ADGRL3: variants seen among roughly 807,000 people sequenced by gnomAD.
ADGRL3 encodes calcium-independent alpha-latrotoxin receptor 3.
In ADGRL3, 62 loss-of-function variants were observed where a neutral mutation model predicts 153.5. The ratio of observed to expected loss-of-function variants is 0.40; its 90% CI spans 0.33 to 0.50. The LOEUF is 0.50. ADGRL3 is among the 20% of genes least tolerant of loss of function. The pLI is 0.47. For missense variants in ADGRL3, 1,641 were observed against 1,859.4 expected, an observed-to-expected ratio of 0.88 and a Z score of 2.16; for synonymous variants, 710 against 672.5, an observed-to-expected ratio of 1.06 and a Z score of -0.86.
At chr4:62,058,553 T>C (rs1289453638) in intron 25 of ADGRL3, among the ~76,000 whole-genome samples, 1 of 152,176 alleles carries the variant, frequency 6.6e-6, no homozygotes, top group East Asian at 1.9e-4. Context: ...TTCTTTTTCA[T>C]GATGCCTCCC....
At chr4:61,984,332 A>G (rs1339531009) in intron 19 of ADGRL3, among the ~76,000 whole-genome samples, 2 of 152,188 alleles carry the variant, frequency 1.3e-5, no homozygotes, top group Non-Finnish European at 2.9e-5. Flanking sequence ...GAAAAAGAAG[A>G]GGTAAGCAGA....
intron 4 of ADGRL3, among the ~76,000 whole-genome samples, chr4:61,580,797 T>C (rs955581524): frequency 2.0e-5 from 3 of 151,980 alleles, no homozygotes; most frequent in East Asian, 1.9e-4. Context: ...CAAGATATGA[T>C]AGTTGGCTTT....
At chr4:61,740,626 G>A (rs1404821594) in intron 8 of ADGRL3, among the ~76,000 whole-genome samples, 1 of 152,192 alleles carries the variant, frequency 6.6e-6, no homozygotes, top group East Asian at 1.9e-4. Flanking sequence ...TGCTACTGAA[G>A]GAGGATGGGA....
chr4:61,318,761 A>T, intron 1 of ADGRL3, among the ~76,000 whole-genome samples: 1 of 152,344 alleles, frequency 6.6e-6, no homozygotes, highest in African/African-American at 2.4e-5. Flanking sequence ...ACTTTTGCCC[A>T]GTTATAAACT....
At chr4:61,231,806 T>A (rs538345025) in intron 1 of ADGRL3, among the ~76,000 whole-genome samples, 17 of 152,028 alleles carry the variant, frequency 1.1e-4, no homozygotes, top group Admixed American at 3.3e-4. Context: ...AAATATAAAT[T>A]AATAAAAGGT....
intron 2 of ADGRL3, among the ~76,000 whole-genome samples, chr4:61,410,512 CAAT>C (rs1047528287): frequency 1.3e-5 from 2 of 152,038 alleles, no homozygotes; most frequent in Non-Finnish European, 2.9e-5. Flanking sequence ...AACAATATTA[CAAT>C]ACTATTGTGT....
chr4:61,210,704 T>C (rs1021477006), intron 1 of ADGRL3, among the ~76,000 whole-genome samples: 2 of 152,192 alleles, frequency 1.3e-5, no homozygotes, highest in Admixed American at 1.3e-4. Flanking sequence ...TTTTCAAATT[T>C]TCAGTGTTCT....
At position 61,733,059 on chromosome 4, in the gene ADGRL3, C is replaced by A. The variant is rs548241584; in HGVS notation, c.904C>A (p.Arg302=). 1 of 1,613,504 alleles carries A rather than the reference C, an allele frequency of 6.2e-7. No homozygotes were observed. The highest frequency in any genetic ancestry group is 1.1e-5 in the South Asian group (1 of 91,058). Residue 302 remains arginine, a synonymous_variant, in exon 8 of 27, where the codon CGG becomes AGG. Transcript: ENST00000683033. ...RTRNIVKFDL[R]TRIKSGEAII... is the part of the protein sequence containing the mutation. ...CAGGAACATAGTAAAGTTTGATTTG[C>A]GGACTAGGATAAAGAGTGGAGAGGC... is the stretch of plus-strand genomic sequence containing the variant.
rs73215816 is a variant in ADGRL3 at position 61,547,500 on chromosome 4, G to C, written c.259+29982G>C. Among the ~76,000 whole-genome samples, 1,161 of 152,156 alleles carry C rather than the reference G, an allele frequency of 7.6e-3. 13 individuals are homozygous for C. The highest frequency in any genetic ancestry group is 0.027 in the African/African-American group (1,120 of 41,526). On this transcript the variant is annotated intron_variant, in intron 4 of 26. Coordinates refer to ENST00000683033, the MANE Select transcript of ADGRL3 (RefSeq NM_001387552.1). ...TATGTTTAACTCCCACTTTAAGTGAGAGTATGTGGTATTTGGTTTTCTGTT... is the reference window on the plus strand; with the variant it reads ...TATGTTTAACTCCCACTTTAAGTGACAGTATGTGGTATTTGGTTTTCTGTT...
intron 2 of ADGRL3, among the ~76,000 whole-genome samples, chr4:61,438,295 C>G (rs1201916386): frequency 6.6e-6 from 1 of 151,946 alleles, no homozygotes; most frequent in Non-Finnish European, 1.5e-5. Context: ...TTGAATCACT[C>G]TATCACTTTC....
chr4:61,256,783 A>G (rs533088525), intron 1 of ADGRL3, among the ~76,000 whole-genome samples: 1 of 152,184 alleles, frequency 6.6e-6, no homozygotes, highest in African/African-American at 2.4e-5. Flanking sequence ...CATTTTAAAA[A>G]TGTGGTTAAA....
intron 1 of ADGRL3, among the ~76,000 whole-genome samples, chr4:61,277,229 G>A (rs1055512137): frequency 1.3e-5 from 2 of 152,060 alleles, no homozygotes; most frequent in South Asian, 4.1e-4. Flanking sequence ...TGAGCCTCAA[G>A]TTCTACATTT....
intron 5 of ADGRL3, among the ~76,000 whole-genome samples, chr4:61,664,386 T>G (rs2094710141): frequency 6.6e-6 from 1 of 152,174 alleles, no homozygotes; most frequent in African/African-American, 2.4e-5. Context: ...TAACTTCAAT[T>G]TGTTTTAATA....
intron 8 of ADGRL3, among the ~76,000 whole-genome samples, chr4:61,756,077 G>T (rs924403649): frequency 5.3e-5 from 8 of 152,082 alleles, no homozygotes; most frequent in Non-Finnish European, 1.2e-4. Context: ...TTGTTCTTTT[G>T]GCTTAGGATT....
chr4:61,216,776 A>G (rs1365985760), intron 1 of ADGRL3, among the ~76,000 whole-genome samples: 2 of 152,222 alleles, frequency 1.3e-5, no homozygotes, highest in Non-Finnish European at 2.9e-5. Flanking sequence ...TGGAAAAGTT[A>G]CTTCACTTCT....
chr4:61,977,411 T>C (rs2099051983), intron 17 of ADGRL3, among the ~76,000 whole-genome samples: 1 of 152,122 alleles, frequency 6.6e-6, no homozygotes, highest in Admixed American at 6.6e-5. Flanking sequence ...CTAACCACCC[T>C]CCACTCTCAA....
rs1285412492 is a variant in ADGRL3 at position 61,733,365 on chromosome 4, G to A, written c.1210G>A (p.Gly404Arg). Residue 404 changes from glycine to arginine, a missense_variant, in exon 8 of 27, where the codon GGA (glycine) becomes AGA (arginine). Gly to Arg is a moderately radical substitution (Grantham distance 125). This residue lies in a region of ADGRL3 where 734 missense variants were observed against 797.0 expected (regional missense o/e 0.92). Transcript: ENST00000683033. ...VYEDDDNEATGNKIDYIYNTD... is the reference protein window; with the variant it reads ...VYEDDDNEATRNKIDYIYNTD... The stretch of plus-strand genomic sequence containing the variant: ...TGAGGATGATGACAATGAGGCTACT[G>A]GAAATAAGATTGACTACATTTACAA... 2 of 1,613,654 alleles carry A rather than the reference G, an allele frequency of 1.2e-6. No individual in the cohort carries two copies. Among genetic ancestry groups the A allele is most frequent in the Admixed American group, 3.3e-5 (2 of 59,900 alleles).
intron 8 of ADGRL3, among the ~76,000 whole-genome samples, chr4:61,747,637 GC>G (rs1561172076): frequency 6.9e-6 from 1 of 145,234 alleles, no homozygotes; most frequent in African/African-American, 2.6e-5. Context: ...TGCAGAAAAG[GC>G]CTTTGACAAA....
At chr4:61,751,967 G>A (rs1038444580) in intron 8 of ADGRL3, among the ~76,000 whole-genome samples, 3 of 151,932 alleles carry the variant, frequency 2.0e-5, no homozygotes, top group Non-Finnish European at 2.9e-5. Flanking sequence ...ATGAAAGAAC[G>A]GCATTTTCTT....
Sources: allele counts gnomAD v4.1 joint callset (sites outside exome capture counted in the v4.1 genomes callset), GRCh38; gene constraint gnomAD v4.1.1; regional missense constraint gnomAD v4.1.1; transcripts MANE v1.5; gene names NCBI Gene and HGNC (gene_info 2026-07-23, HGNC 2026-07-21).